CD247: variants seen among roughly 807,000 people sequenced by gnomAD.
CD247 encodes the protein CD247 molecule.
A neutral mutation model predicts 30.0 loss-of-function variants in CD247; 13 were observed. The observed-to-expected ratio is 0.43, with a 90% CI of 0.28 to 0.69. The LOEUF is 0.69. Ranked by LOEUF, CD247 falls within the 30% of genes least tolerant of loss-of-function variation. The pLI is 0.16. For synonymous variants in CD247, 72 were observed against 80.0 expected (o/e 0.90, Z 0.53); for missense variants, 193 against 212.6 (o/e 0.91, Z 0.57).
chr1:167,493,926 A>G (rs1207429228), intron 1 of CD247, among the ~76,000 whole-genome samples: 1 of 151,576 alleles, frequency 6.6e-6, no homozygotes, highest in Non-Finnish European at 1.5e-5. Flanking sequence ...ATCAGCAAAA[A>G]CCCCACTGGA....
chr1:167,485,986 C>T (rs35378063), intron 1 of CD247, among the ~76,000 whole-genome samples: 4,322 of 152,040 alleles, frequency 0.028, 66 homozygotes, highest in Non-Finnish European at 0.045. Flanking sequence ...CATTGTGGGC[C>T]GCCTTCCAGA....
intron 1 of CD247, among the ~76,000 whole-genome samples, chr1:167,471,073 G>A (rs1049479472): frequency 5.9e-5 from 9 of 151,942 alleles, no homozygotes; most frequent in Non-Finnish European, 7.4e-5. Flanking sequence ...GGTTTTCACC[G>A]TGCTAGCTAG....
chr1:167,466,724 G>C, intron 1 of CD247, among the ~76,000 whole-genome samples: 1 of 152,242 alleles, frequency 6.6e-6, no homozygotes, highest in Non-Finnish European at 1.5e-5. Flanking sequence ...CCTGTGGAAA[G>C]TCAAGTGAGT....
At chr1:167,433,133 C>T in intron 6 of CD247, 74 bp from the exon 7 acceptor site, 1 of 1,494,954 alleles carries the variant, frequency 6.7e-7, no homozygotes, top group Non-Finnish European at 9.3e-7. Context: ...TGCTCAAGGG[C>T]CCCTCCCAAG....
intron 1 of CD247, among the ~76,000 whole-genome samples, chr1:167,481,506 C>A (rs1653972132): frequency 6.6e-6 from 1 of 152,178 alleles, no homozygotes; most frequent in Non-Finnish European, 1.5e-5. Flanking sequence ...CCATGAGAAA[C>A]ATACATTTTG....
chr1:167,503,201 C>G (rs527626894), intron 1 of CD247, among the ~76,000 whole-genome samples: 162 of 152,322 alleles, frequency 1.1e-3, no homozygotes, highest in African/African-American at 3.7e-3. Flanking sequence ...AATGAACCGA[C>G]TTTAGGAGGT....
chr1:167,515,824 T>C (rs1394074258), intron 1 of CD247, among the ~76,000 whole-genome samples: 2 of 152,258 alleles, frequency 1.3e-5, no homozygotes, highest in African/African-American at 4.8e-5. Context: ...TTCCATCTCC[T>C]GTTTTGAGAA....
intron 1 of CD247, among the ~76,000 whole-genome samples, chr1:167,442,438 C>T (rs776143636): frequency 1.6e-4 from 25 of 152,204 alleles, no homozygotes; most frequent in Admixed American, 7.2e-4. Context: ...TATGTATGCT[C>T]TGTCAGCTGC....
intron 1 of CD247, among the ~76,000 whole-genome samples, chr1:167,442,632 G>A (rs1050363758): frequency 1.3e-5 from 2 of 152,078 alleles, no homozygotes; most frequent in African/African-American, 4.8e-5. Context: ...CTGCCCCTGG[G>A]CCAGCCCTGC....
intron 1 of CD247, among the ~76,000 whole-genome samples, chr1:167,442,097 T>C (rs973588493): frequency 1.3e-5 from 2 of 152,108 alleles, no homozygotes; most frequent in African/African-American, 4.8e-5. Context: ...GCACACAGAG[T>C]GAGGCTCCGT....
Position 167,487,753 on chromosome 1 carries a change from G to A in CD247, c.58+30655C>T, listed in dbSNP as rs1349032958. ...ACACTACCTTGTTTTTTTCGAGACA[G>A]GGTCTCACTGTGTTGTCCAGGCTGG... On this transcript the variant is annotated intron_variant, in intron 1 of 7. Transcript: ENST00000362089. Among the ~76,000 whole-genome samples the A allele has an allele frequency of 4.6e-5, 7 of 152,318 alleles. No individual in the cohort carries two copies. In the East Asian group the frequency reaches 1.2e-3, roughly 25 times the overall value.
intron 1 of CD247, among the ~76,000 whole-genome samples, chr1:167,490,352 C>T (rs1654396049): frequency 6.6e-6 from 1 of 152,194 alleles, no homozygotes; most frequent in Non-Finnish European, 1.5e-5. Context: ...AGGCCGGGCG[C>T]GGTGGCTCAC....
At chr1:167,439,463 C>G in intron 2 of CD247, 63 bp from the exon 3 acceptor site, 1 of 1,521,678 alleles carries the variant, frequency 6.6e-7, no homozygotes, top group Non-Finnish European at 9.1e-7. Context: ...GCCGGGGTGC[C>G]AGGGCGCGCG....
intron 6 of CD247, 90 bp downstream of exon 6, chr1:167,433,930 T>G: frequency 8.6e-7 from 1 of 1,169,240 alleles, no homozygotes; most frequent in Non-Finnish European, 1.3e-6. Flanking sequence ...GCAGCTGGGA[T>G]GAGAAGTGGA....
At chr1:167,496,233 C>T (rs956427918) in intron 1 of CD247, among the ~76,000 whole-genome samples, 1 of 152,210 alleles carries the variant, frequency 6.6e-6, no homozygotes, top group Admixed American at 6.5e-5. Context: ...GGTAGGTAGG[C>T]AGGTAGTGAG....
chr1:167,489,541 C>T (rs1654353503), intron 1 of CD247, among the ~76,000 whole-genome samples: 1 of 152,148 alleles, frequency 6.6e-6, no homozygotes, highest in South Asian at 2.1e-4. Context: ...TACTGTTGTT[C>T]ACCTAGAGGC....
chr1:167,509,385 A>G (rs998242772), intron 1 of CD247, among the ~76,000 whole-genome samples: 27 of 151,130 alleles, frequency 1.8e-4, no homozygotes, highest in Admixed American at 1.6e-3. Flanking sequence ...AAAAAAAAAA[A>G]AAAAAGAAAA....
intron 1 of CD247, chr1:167,457,612 T>A (rs563685539): frequency 6.6e-6 from 1 of 152,402 alleles, no homozygotes; most frequent in African/African-American, 2.4e-5. Flanking sequence ...TCCTAAATAT[T>A]GCCCAGAGCT....
At chr1:167,499,240 C>T (rs1654810571) in intron 1 of CD247, among the ~76,000 whole-genome samples, 1 of 152,148 alleles carries the variant, frequency 6.6e-6, no homozygotes, top group Non-Finnish European at 1.5e-5. Context: ...AGGGATGCTG[C>T]TCAACATTCT....
Sources: allele counts gnomAD v4.1 joint callset (sites outside exome capture counted in the v4.1 genomes callset), GRCh38; gene constraint gnomAD v4.1.1; transcripts MANE v1.5; gene names NCBI Gene and HGNC (gene_info 2026-07-23, HGNC 2026-07-21).